Variants in NDE1 observed in about 807,000 individuals in gnomAD.
NDE1 encodes nuclear distribution protein nudE homolog 1.
Under a neutral mutation model 43.4 loss-of-function variants are expected in NDE1, and 28 were observed. The ratio of observed to expected loss-of-function variants is 0.65; its 90% CI spans 0.48 to 0.89. The LOEUF (loss-of-function observed/expected upper bound fraction) is 0.89, where lower values mean the gene tolerates loss of function less well. Among genes scored for constraint, NDE1 ranks in the 40% least tolerant of loss-of-function variants. The pLI is 0.00. For synonymous variants in NDE1, 184 were observed against 172.0 expected, an observed-to-expected ratio of 1.07 and a Z score of -0.55; for missense variants, 441 against 434.1, an observed-to-expected ratio of 1.02 and a Z score of -0.14.
chr16:15,691,219 A>G lies in NDE1; in HGVS notation c.599A>G (p.Glu200Gly), dbSNP rs1370106332. 1.9e-6 allele frequency: 3 copies of G among 1,614,036 alleles called. No individual in the cohort carries two copies. Among genetic ancestry groups the G allele is most frequent in the African/African-American group, 2.7e-5 (2 of 74,918 alleles). The change falls in exon 6 of 9, where the codon GAG (glutamate) becomes GGG (glycine). Residue 200 changes from glutamate to glycine, a missense_variant. Physicochemically the swap from Glu to Gly is moderately conservative, Grantham distance 98. Transcript: ENST00000396354. ...CCCATGCCCAGCTCAGTGGAAGCTG[A>G]GAGGACAGACACAGCTGTGCAGGCC... ...RTPMPSSVEAERTDTAVQATG... is the reference protein window; with the variant it reads ...RTPMPSSVEAGRTDTAVQATG...
At chr16:15,653,205 G>C (rs981328246) in intron 1 of NDE1, among the ~76,000 whole-genome samples, 2 of 152,108 alleles carry the variant, frequency 1.3e-5, no homozygotes, top group African/African-American at 4.8e-5. Context: ...CAACTGCATC[G>C]TTTTCCATTC....
intron 7 of NDE1, chr16:15,695,835 A>G (rs889144558): frequency 6.4e-6 from 3 of 467,480 alleles, no homozygotes; most frequent in Middle Eastern, 1.1e-3. Context: ...GGGTGCTGTC[A>G]GTGTCCTTTT....
At chr16:15,724,041 G>A in intron 8 of NDE1, 150 bp from the exon 9 acceptor site, 3 of 1,504,506 alleles carry the variant, frequency 2.0e-6, no homozygotes, top group Non-Finnish European at 2.7e-6. Flanking sequence ...GCCTCCCATG[G>A]CTCCCCACAG....
chr16:15,694,189 C>T lies in NDE1; in HGVS notation c.728C>T (p.Thr243Ile). Residue 243 changes from threonine to isoleucine, a missense_variant, in exon 7 of 9, where the codon ACC becomes ATC. Transcript: ENST00000396354. ...GGCCTGGACGACTCCACCGGGGGGA[C>T]CCCCCTCACACCTGCGGCCCGGATA... ...RRGLDDSTGGTPLTPAARISA... is the reference protein window; with the variant it reads ...RRGLDDSTGGIPLTPAARISA... 6.2e-7 allele frequency: 1 copy of T among 1,612,924 alleles called. No homozygotes were observed. Among genetic ancestry groups the T allele is most frequent in the Non-Finnish European group, 8.5e-7 (1 of 1,179,952 alleles).
At chr16:15,703,259 G>T in intron 8 of NDE1, 1 of 219,116 alleles carries the variant, frequency 4.6e-6, no homozygotes, top group Non-Finnish European at 9.2e-6. Flanking sequence ...ACTACAGAAG[G>T]CACTTGGTGA....
intron 8 of NDE1, among the ~76,000 whole-genome samples, chr16:15,716,348 C>T (rs2040135871): frequency 6.6e-6 from 1 of 152,082 alleles, no homozygotes. Context: ...GGGTGCATTG[C>T]AGGGCGTGCG....
chr16:15,681,095 T>G (rs1474107967), intron 4 of NDE1, among the ~76,000 whole-genome samples: 1 of 151,140 alleles, frequency 6.6e-6, no homozygotes, highest in Non-Finnish European at 1.5e-5. Context: ...TGTTTTGTGT[T>G]TTTTTTGCAA....
At chr16:15,645,815 T>C (rs1368945418), upstream of NDE1, among the ~76,000 whole-genome samples, 3 of 152,208 alleles carry the variant, frequency 2.0e-5, no homozygotes, top group Non-Finnish European at 4.4e-5. Flanking sequence ...CTACTTTACA[T>C]GCAATTCAGC....
At chr16:15,721,741 A>T (rs1315767715) in intron 8 of NDE1, 7 of 1,156,028 alleles carry the variant, frequency 6.1e-6, no homozygotes, top group Non-Finnish European at 9.0e-6. Flanking sequence ...ATTGAGGTGC[A>T]GGTGTAAGCA....
At chr16:15,723,374 T>C (rs1259734330) in intron 8 of NDE1, among the ~76,000 whole-genome samples, 12 of 152,138 alleles carry the variant, frequency 7.9e-5, no homozygotes, top group Admixed American at 7.9e-4. Flanking sequence ...GGGCCGGGCA[T>C]AGTGGCTCAT....
chr16:15,720,378 C>A (rs2040403729), intron 8 of NDE1: 1 of 1,553,804 alleles, frequency 6.4e-7, no homozygotes, highest in Non-Finnish European at 8.7e-7. Context: ...CTCACCTAGG[C>A]AGCACATCAC....
intron 3 of NDE1, among the ~76,000 whole-genome samples, chr16:15,676,184 T>C (rs2037864133): frequency 6.8e-6 from 1 of 147,920 alleles, no homozygotes; most frequent in African/African-American, 2.5e-5. Context: ...TATCCCCTCC[T>C]TTTCTCCCTC....
rs950950495 is a variant in NDE1, at chr16:15,710,228, G to A, written c.947+13368G>A. On this transcript the variant is annotated intron_variant, in intron 8 of 8. Coordinates refer to ENST00000396354, the MANE Select transcript of NDE1 (RefSeq NM_017668.3). ...CAGGAGGTGTCCAGTGTGTGCTAAA[G>A]AATCACTGGGCCGGCCGGGCATGGT... 4.6e-5 allele frequency among the ~76,000 whole-genome samples: 7 copies of A among 152,240 alleles called. No individual in the cohort carries two copies. The South Asian group carries it at 1.5e-3, about 32-fold the overall frequency.
chr16:15,710,730 A>G (rs1327130793), intron 8 of NDE1, among the ~76,000 whole-genome samples: 1 of 151,636 alleles, frequency 6.6e-6, no homozygotes, highest in East Asian at 1.9e-4. Flanking sequence ...AGGCTGGAGT[A>G]TAGAGGCTTG....
At chr16:15,643,564 C>T in exon 1 of NDE1, 3 of 327,372 alleles carry the variant, frequency 9.2e-6, no homozygotes, top group South Asian at 6.8e-5. Context: ...AACCCTGTCC[C>T]TTCGGCTTTT....
At chr16:15,653,345 A>G (rs1190790384) in intron 1 of NDE1, among the ~76,000 whole-genome samples, 1 of 152,180 alleles carries the variant, frequency 6.6e-6, no homozygotes, top group East Asian at 1.9e-4. Context: ...AAGCACAAAG[A>G]CAGAAGCCAG....
In NDE1 at chr16:15,711,548, T is replaced by C. The variant is rs904722558; in HGVS notation, c.948-12643T>C. ...GTTTATTTGCCGTTATATTCATGTATGATTAAAACTGTTAAAAGATCAAGT... is the reference window on the plus strand; with the variant it reads ...GTTTATTTGCCGTTATATTCATGTACGATTAAAACTGTTAAAAGATCAAGT... On this transcript the variant is annotated intron_variant, in intron 8 of 8. Transcript: ENST00000396354. Among the ~76,000 whole-genome samples, 3 of 152,208 alleles carry C rather than the reference T, an allele frequency of 2.0e-5. No homozygotes were observed. The South Asian group carries it at 6.2e-4, about 31-fold the overall frequency.
chr16:15,717,262 G>A, intron 8 of NDE1: 2 of 1,614,118 alleles, frequency 1.2e-6, no homozygotes, highest in East Asian at 2.2e-5. Context: ...GGAGCTCCTT[G>A]TTCTGCCGCT....
Position 15,696,688 on chromosome 16 carries a change from TA to T in NDE1, c.796-17del, listed in dbSNP as rs750151451. The T allele has an allele frequency of 6.2e-7, 1 of 1,614,128 alleles. No individual in the cohort carries two copies. ...TAGTCCTTGCCTATAACTTGAGAGA[TA>T]AAAGTGTATTTCTGTCCAGGCACTG... is the stretch of plus-strand genomic sequence containing the variant. On this transcript the variant is annotated intron_variant, in intron 7 of 8. Transcript: ENST00000396354.
Sources: allele counts gnomAD v4.1 joint callset (sites outside exome capture counted in the v4.1 genomes callset), GRCh38; gene constraint gnomAD v4.1.1; transcripts MANE v1.5; gene names NCBI Gene and HGNC (gene_info 2026-07-23, HGNC 2026-07-21).